TRIO: variants seen among roughly 807,000 people sequenced by gnomAD.
TRIO encodes the protein triple functional domain protein.
A neutral mutation model predicts 351.9 loss-of-function variants in TRIO; 58 were observed. The ratio of observed to expected loss-of-function variants is 0.16; its 90% confidence interval spans 0.13 to 0.21. The LOEUF (loss-of-function observed/expected upper bound fraction) is 0.21, where lower values mean the gene tolerates loss of function less well. TRIO is among the 10% of genes least tolerant of loss of function. The pLI, the probability that TRIO is intolerant of heterozygous loss-of-function variation, is 1.00. For synonymous variants in TRIO, 1,758 were observed against 1,595.7 expected (o/e 1.10, Z -2.42); for missense variants, 3,201 against 4,027.8 (o/e 0.79, Z 5.56).
intron 4 of TRIO, among the ~76,000 whole-genome samples, chr5:14,289,172 G>C (rs1000172688): frequency 2.0e-5 from 3 of 152,144 alleles, no homozygotes; most frequent in Admixed American, 2.0e-4. Flanking sequence ...CGGATCACAA[G>C]GTCAGGAGTT....
intron 31 of TRIO, among the ~76,000 whole-genome samples, chr5:14,403,697 T>TGGTGGTGAGGGTGC (rs1748411449): frequency 2.1e-5 from 1 of 48,410 alleles, no homozygotes; most frequent in Non-Finnish European, 3.7e-5. Flanking sequence ...GGTGAGGGTG[T>TGGTGGTGAGGGTGC]AGGTTGTGGT....
At chr5:14,196,736 G>A (rs1790798212) in intron 1 of TRIO, among the ~76,000 whole-genome samples, 1 of 152,192 alleles carries the variant, frequency 6.6e-6, no homozygotes, top group South Asian at 2.1e-4. Context: ...GCAGATAGAT[G>A]TTCTGGCTCT....
At chr5:14,395,170 C>T (rs1747453600) in intron 28 of TRIO, among the ~76,000 whole-genome samples, 2 of 151,926 alleles carry the variant, frequency 1.3e-5, no homozygotes, top group South Asian at 4.1e-4. Context: ...TAAGTAGCTA[C>T]ATCGTTTTGT....
At chr5:14,162,894 C>A (rs536491045) in intron 1 of TRIO, among the ~76,000 whole-genome samples, 1 of 152,198 alleles carries the variant, frequency 6.6e-6, no homozygotes, top group Admixed American at 6.5e-5. Flanking sequence ...GCAGCCTCCA[C>A]CTCCCAGGTT....
intron 47 of TRIO, among the ~76,000 whole-genome samples, chr5:14,486,578 T>G (rs1329732564): frequency 6.6e-6 from 1 of 152,196 alleles, no homozygotes; most frequent in Non-Finnish European, 1.5e-5. Context: ...GAATTGAGAA[T>G]GCTCTAAATT....
chr5:14,487,773 C>T lies in TRIO; in HGVS notation c.7145C>T (p.Ala2382Val). 5 of 1,363,648 alleles carry T rather than the reference C, an allele frequency of 3.7e-6. 2 individuals are homozygous for T. In the South Asian group the frequency reaches 8.7e-5, roughly 24 times the overall value. 84.5% of individuals were successfully genotyped at this position (1,363,648 alleles called of 1,614,324 possible). The change falls in exon 48 of 57, where the codon GCC becomes GTC. Residue 2382 changes from alanine (A) to valine (V), a missense_variant. This residue lies in a region of TRIO where 1,089 missense variants were observed against 954.9 expected (regional missense o/e 1.14). Coordinates refer to ENST00000344204, the MANE Select transcript of TRIO (RefSeq NM_007118.4). ...PGPSLPPPGA[A>V]PEAGPSAPSR... ...CCCTCCCTGCCTCCCCCTGGCGCGG[C>T]CCCCGAGGCCGGCCCCAGCGCGCCC...
At chr5:14,465,426 G>A (rs1754176762) in intron 36 of TRIO, 119 bp from the exon 37 acceptor site, 1 of 880,736 alleles carries the variant, frequency 1.1e-6, no homozygotes, top group Non-Finnish European at 1.8e-6. Flanking sequence ...ACAAACTTGT[G>A]GTCTTTTTGT....
At chr5:14,367,073 A>G in intron 16 of TRIO, 94 bp downstream of exon 16, 24 of 1,545,904 alleles carry the variant, frequency 1.6e-5, no homozygotes, top group Non-Finnish European at 2.0e-5. Context: ...TGGGAACCAC[A>G]TGGGGCTGGC....
chr5:14,300,209 C>T (rs1737758049), intron 7 of TRIO, among the ~76,000 whole-genome samples: 3 of 152,206 alleles, frequency 2.0e-5, no homozygotes, highest in Admixed American at 6.5e-5. Context: ...GACGCTTTCA[C>T]AGCAGATACC....
At chr5:14,388,726 G>A in intron 24 of TRIO, 47 bp downstream of exon 24, 1 of 1,553,604 alleles carries the variant, frequency 6.4e-7, no homozygotes, top group South Asian at 1.2e-5. Flanking sequence ...TTTAGATTGA[G>A]CATAAGCTTG....
chr5:14,465,250 C>A (rs1754161285), intron 36 of TRIO, among the ~76,000 whole-genome samples: 1 of 152,168 alleles, frequency 6.6e-6, no homozygotes, highest in Non-Finnish European at 1.5e-5. Context: ...TTAGAACGTT[C>A]CCTTGCCTAG....
intron 1 of TRIO, among the ~76,000 whole-genome samples, chr5:14,214,441 T>G (rs1340964283): frequency 6.6e-6 from 1 of 152,188 alleles, no homozygotes; most frequent in African/African-American, 2.4e-5. Context: ...GAGAACTCAG[T>G]AGGTGTTTCC....
At chr5:14,321,905 C>CA (rs1739925381) in intron 9 of TRIO, among the ~76,000 whole-genome samples, 1 of 152,214 alleles carries the variant, frequency 6.6e-6, no homozygotes, top group Admixed American at 6.5e-5. Flanking sequence ...CCATGTAAGA[C>CA]ATGCCTTTGC....
chr5:14,362,439 C>T (rs150078165), intron 13 of TRIO, among the ~76,000 whole-genome samples: 1 of 152,252 alleles, frequency 6.6e-6, no homozygotes, highest in East Asian at 1.9e-4. Flanking sequence ...GTGAGGTTGG[C>T]TCTTGTGTTT....
At chr5:14,449,451 A>C (rs538467331) in intron 34 of TRIO, among the ~76,000 whole-genome samples, 1 of 152,272 alleles carries the variant, frequency 6.6e-6, no homozygotes, top group South Asian at 2.1e-4. Flanking sequence ...ATTTTCTTTC[A>C]AGACGTGACT....
intron 18 of TRIO, among the ~76,000 whole-genome samples, 187 bp from the exon 19 acceptor site, chr5:14,374,042 C>T (rs546607291): frequency 1.3e-5 from 2 of 152,186 alleles, no homozygotes; most frequent in South Asian, 2.1e-4. Context: ...GTCATCAGAG[C>T]GAGGGCTTCA....
intron 8 of TRIO, among the ~76,000 whole-genome samples, chr5:14,306,088 A>G (rs1053041066): frequency 2.6e-5 from 4 of 152,200 alleles, no homozygotes; most frequent in Admixed American, 6.5e-5. Flanking sequence ...TCATTTCTCA[A>G]AATGTGTCCC....
At chr5:14,182,396 T>A (rs1789842634) in intron 1 of TRIO, among the ~76,000 whole-genome samples, 1 of 152,252 alleles carries the variant, frequency 6.6e-6, no homozygotes, top group African/African-American at 2.4e-5. Context: ...TGGGACAAAT[T>A]TATATCTGAT....
At position 14,381,135 on chromosome 5, in the gene TRIO, G is replaced by C; in HGVS notation, c.3453G>C (p.Leu1151Phe). The C allele has an allele frequency of 6.2e-7, 1 of 1,613,630 alleles. No individual in the cohort carries two copies. Among genetic ancestry groups the C allele is most frequent in the South Asian group, 1.1e-5 (1 of 91,020 alleles). ...TTCATTCCTTCCCCTTCCAGGCTTT[G>C]GAATGGATCCATGACAATGGCGAGT... ...VVFERSAKQA[L>F]EWIHDNGEFY... The change falls in exon 21 of 57, where the codon TTG becomes TTC. Residue 1151 changes from leucine to phenylalanine, a missense_variant. Physicochemically the swap from Leu to Phe is conservative, Grantham distance 22. Coordinates refer to ENST00000344204, the MANE Select transcript of TRIO (RefSeq NM_007118.4).
Sources: gnomAD v4.1 joint callset for allele counts (sites outside exome capture counted in the v4.1 genomes callset) on GRCh38, gnomAD v4.1.1 for gene constraint, gnomAD v4.1.1 regional missense constraint, MANE v1.5 for transcripts, NCBI Gene and HGNC (gene_info 2026-07-23, HGNC 2026-07-21) for gene names.